MARCHF8: variants seen among roughly 807,000 people sequenced by gnomAD.
MARCHF8 encodes membrane associated ring-CH-type finger 8, also known as E3 ubiquitin-protein ligase MARCHF8.
In MARCHF8, 40 loss-of-function variants were observed where a neutral mutation model predicts 51.6. The observed-to-expected ratio is 0.77, with a 90% CI of 0.60 to 1.01. The LOEUF (loss-of-function observed/expected upper bound fraction) is 1.01. MARCHF8 is among the 50% of genes least tolerant of loss of function. The pLI, the probability that MARCHF8 is intolerant of heterozygous loss-of-function variation, is 0.00. For synonymous variants in MARCHF8, 263 were observed against 280.3 expected, an observed-to-expected ratio of 0.94 and a Z score of 0.62; for missense variants, 685 against 708.6, an observed-to-expected ratio of 0.97 and a Z score of 0.38.
chr10:45,538,304 G>A (rs2044002725), upstream of MARCHF8, among the ~76,000 whole-genome samples: 1 of 152,112 alleles, frequency 6.6e-6, no homozygotes, highest in South Asian at 2.1e-4. Flanking sequence ...CCCTAAAAGA[G>A]CTCCTGAAGG....
At chr10:45,511,301 A>C (rs569584419) in intron 2 of MARCHF8, among the ~76,000 whole-genome samples, 53 of 152,270 alleles carry the variant, frequency 3.5e-4, no homozygotes, top group African/African-American at 1.2e-3. Flanking sequence ...ATACACGAAA[A>C]CCTTGAAATA....
upstream of MARCHF8, among the ~76,000 whole-genome samples, chr10:45,537,652 C>T (rs1387840745): frequency 1.3e-5 from 1 of 78,162 alleles, no homozygotes; most frequent in African/African-American, 4.8e-5. Flanking sequence ...GACCTTGTCT[C>T]AAAAAAAAAA....
intron 6 of MARCHF8, 110 bp downstream of exon 6, chr10:45,461,121 G>T: frequency 1.3e-6 from 1 of 768,996 alleles, no homozygotes; most frequent in Non-Finnish European, 1.9e-6. Context: ...ACCAGCCCCA[G>T]CTTTTTAAGG....
rs1310061809 is a variant in MARCHF8 at position 45,533,246 on chromosome 10, G to T, written c.-35C>A. 6.3e-7 allele frequency: 1 copy of T among 1,585,086 alleles called. No homozygotes were observed. The highest frequency in any genetic ancestry group is 8.5e-7 in the Non-Finnish European group (1 of 1,170,310). On this transcript the variant is annotated 5_prime_UTR_variant, in exon 2 of 8. Coordinates refer to ENST00000453424, the MANE Select transcript of MARCHF8 (RefSeq NM_001282866.2). ...TTATCTGGTCGTCTTCTTCACAGAAGAGAGTCTCCACTGGTAGAGTCATTT... is the reference window on the plus strand; with the variant it reads ...TTATCTGGTCGTCTTCTTCACAGAATAGAGTCTCCACTGGTAGAGTCATTT...
At chr10:45,461,453 T>A in intron 5 of MARCHF8, 42 bp from the exon 6 acceptor site, 1 of 1,450,220 alleles carries the variant, frequency 6.9e-7, no homozygotes, top group Non-Finnish European at 9.1e-7. Flanking sequence ...GACAGTCCCA[T>A]GACAGGGAAG....
intron 2 of MARCHF8, among the ~76,000 whole-genome samples, chr10:45,494,044 C>A (rs2043130265): frequency 6.6e-6 from 1 of 152,190 alleles, no homozygotes; most frequent in Admixed American, 6.5e-5. Flanking sequence ...TAATACAAAT[C>A]AATCAATCAG....
chr10:45,584,549 T>A (rs1272904615), intron 1 of MARCHF8, among the ~76,000 whole-genome samples: 1 of 152,142 alleles, frequency 6.6e-6, no homozygotes, highest in African/African-American at 2.4e-5. Context: ...GGTAAATGCA[T>A]ACTGGTACCA....
intron 2 of MARCHF8, among the ~76,000 whole-genome samples, chr10:45,531,048 T>C (rs1386063804): frequency 6.6e-6 from 1 of 152,008 alleles, no homozygotes; most frequent in African/African-American, 2.4e-5. Flanking sequence ...AAAATATTAA[T>C]GAAATTATAA....
intron 1 of MARCHF8, among the ~76,000 whole-genome samples, chr10:45,565,678 A>C (rs1421883795): frequency 6.6e-6 from 1 of 152,172 alleles, no homozygotes; most frequent in Non-Finnish European, 1.5e-5. Flanking sequence ...GAAGACAAAC[A>C]GCAAACTAGT....
intron 1 of MARCHF8, among the ~76,000 whole-genome samples, chr10:45,574,271 TA>T (rs1305173469): frequency 6.6e-6 from 1 of 152,176 alleles, no homozygotes; most frequent in Non-Finnish European, 1.5e-5. Flanking sequence ...TTAAAGCCTA[TA>T]AACTCTCCTT....
Position 45,549,010 on chromosome 10 carries a change from A to AG in MARCHF8, c.-78-15722dup, listed in dbSNP as rs370619420. The stretch of plus-strand genomic sequence containing the variant: ...GACTCCATCTCAAAAAAAAAAAAAA[A>AG]GAAAGAAAAGAAATAGTCTACCTTC... On this transcript the variant is annotated intron_variant, in intron 1 of 6. Coordinates refer to the MARCHF8 transcript ENST00000319836. 2.3e-4 allele frequency among the ~76,000 whole-genome samples: 35 copies of AG among 150,864 alleles called. 1 individual carries two copies. Among genetic ancestry groups the AG allele is most frequent in the South Asian group, 2.3e-3 (11 of 4,774 alleles).
chr10:45,569,400 AC>A (rs763265218), intron 1 of MARCHF8, among the ~76,000 whole-genome samples: 1 of 152,204 alleles, frequency 6.6e-6, no homozygotes, highest in Admixed American at 6.5e-5. Flanking sequence ...CATGTACCAT[AC>A]AGACTGATCT....
chr10:45,466,722 C>T (rs911939499), intron 3 of MARCHF8, among the ~76,000 whole-genome samples: 3 of 152,130 alleles, frequency 2.0e-5, no homozygotes, highest in East Asian at 1.9e-4. Context: ...TCTGGAAAAT[C>T]GTGCCCAATC....
At chr10:45,491,890 AG>A (rs1296844629) in intron 2 of MARCHF8, among the ~76,000 whole-genome samples, 2 of 152,234 alleles carry the variant, frequency 1.3e-5, no homozygotes, top group Non-Finnish European at 2.9e-5. Flanking sequence ...AAATCTACAG[AG>A]AAGTTCACAA....
intron 5 of MARCHF8, among the ~76,000 whole-genome samples, 183 bp downstream of exon 5, chr10:45,462,968 C>T (rs1026511970): frequency 4.6e-5 from 7 of 152,220 alleles, no homozygotes; most frequent in Admixed American, 3.9e-4. Flanking sequence ...TCTTGGGACT[C>T]ACATCATAAA....
intron 2 of MARCHF8, among the ~76,000 whole-genome samples, chr10:45,503,237 T>TA (rs1189639840): frequency 1.3e-5 from 2 of 152,010 alleles, no homozygotes; most frequent in African/African-American, 4.8e-5. Flanking sequence ...ACTGACTTTT[T>TA]AAAAAAACAA....
At chr10:45,466,653 G>A (rs1015113481) in intron 3 of MARCHF8, among the ~76,000 whole-genome samples, 2 of 152,136 alleles carry the variant, frequency 1.3e-5, no homozygotes, top group South Asian at 4.1e-4. Flanking sequence ...TTGGAACCAC[G>A]TGTACTTTCC....
rs751473948 is a variant in MARCHF8, at chr10:45,458,496, C to T, written c.1465G>A (p.Gly489Ser). The T allele has an allele frequency of 4.3e-6, 7 of 1,611,200 alleles. No homozygotes were observed. In the African/African-American group the frequency reaches 5.4e-5, roughly 12 times the overall value. The part of the protein sequence containing the change: ...FWTKLVVVAI[G>S]FTGGLLFMYV... Reference sequence around the variant, plus strand: ...ATAAAAAGAAGTCCTCCGGTGAAGCCGATGGCCACAACCACCAATTTAGTC... The same window carrying T: ...ATAAAAAGAAGTCCTCCGGTGAAGCTGATGGCCACAACCACCAATTTAGTC... The change falls in exon 8 of 8, where the codon GGC becomes AGC. Residue 489 changes from glycine to serine, a missense_variant. Coordinates refer to ENST00000453424, the MANE Select transcript of MARCHF8 (RefSeq NM_001282866.2).
At chr10:45,473,184 A>C (rs768631124) in intron 3 of MARCHF8, among the ~76,000 whole-genome samples, 2 of 152,208 alleles carry the variant, frequency 1.3e-5, no homozygotes, top group Non-Finnish European at 2.9e-5. Context: ...TAATGGCAAC[A>C]ATAACCGGAA....
Sources: gnomAD v4.1 joint callset for allele counts (sites outside exome capture counted in the v4.1 genomes callset) on GRCh38, gnomAD v4.1.1 for gene constraint, MANE v1.5 for transcripts, NCBI Gene and HGNC (gene_info 2026-07-23, HGNC 2026-07-21) for gene names.